TRABD2B: variants seen among roughly 807,000 people sequenced by gnomAD.
TRABD2B encodes TraB domain containing 2B, also known as metalloprotease TIKI2.
In TRABD2B, 14 loss-of-function variants were observed where a neutral mutation model predicts 40.1. The ratio of observed to expected loss-of-function variants is 0.35; its 90% confidence interval spans 0.23 to 0.55. The LOEUF (loss-of-function observed/expected upper bound fraction) is 0.55. Ranked by LOEUF, TRABD2B falls within the 20% of genes least tolerant of loss-of-function variation. TRABD2B has a pLI of 0.90. For synonymous variants in TRABD2B, 263 were observed against 277.0 expected (o/e 0.95, Z 0.50); for missense variants, 541 against 648.6 (o/e 0.83, Z 1.80).
chr1:47,817,095 G>A (rs1645043053), intron 2 of TRABD2B, among the ~76,000 whole-genome samples: 2 of 152,160 alleles, frequency 1.3e-5, no homozygotes, highest in Admixed American at 6.5e-5. Context: ...ATGGAGGAAG[G>A]AAGTGGGAAG....
chr1:47,763,414 T>C lies in TRABD2B; in HGVS notation c.*2488A>G, dbSNP rs1644265209. On this transcript the variant is annotated 3_prime_UTR_variant, in exon 7 of 7. Coordinates refer to ENST00000606738, the MANE Select transcript of TRABD2B (RefSeq NM_001194986.2). The stretch of plus-strand genomic sequence containing the variant: ...TAAGGGAGAGTTTAGGATCCCCTAA[T>C]ATGCCCAGAGGAGGGATCTGGGAAA... 1 of 152,184 alleles carries C rather than the reference T, an allele frequency of 6.6e-6. No homozygotes were observed. The highest frequency in any genetic ancestry group is 6.5e-5 in the Admixed American group (1 of 15,286). The allele number at this position is 152,184 out of a possible 1,614,324, so 9.4% of individuals were successfully genotyped here. A position where few individuals can be genotyped will look rare whatever the true frequency, so the allele number is the denominator to read the frequency against.
At position 47,765,937 on chromosome 1, in the gene TRABD2B, C is replaced by G. The variant is rs987526006; in HGVS notation, c.1519G>C (p.Val507Leu). ...LLPAIATTIA[V>L]CFLLHSLGPS ...CCAAGGCTATGCAGCAGGAAGCAGA[C>G]AGCGATGGTGGTGGCGATGGCGGGG... is the stretch of plus-strand genomic sequence containing the variant. Residue 507 changes from valine (V) to leucine (L), a missense_variant, in exon 7 of 7, where the codon GTC becomes CTC. This residue lies in a region of TRABD2B where 172 missense variants were observed against 155.8 expected (regional missense o/e 1.10). Coordinates refer to ENST00000606738, the MANE Select transcript of TRABD2B (RefSeq NM_001194986.2). 2 of 702,864 alleles carry G rather than the reference C, an allele frequency of 2.8e-6. No individual in the cohort carries two copies. The highest frequency in any genetic ancestry group is 2.3e-4 in the Middle Eastern group (1 of 4,390). 43.5% of individuals were successfully genotyped at this position (702,864 alleles called of 1,614,324 possible).
chr1:47,980,130 C>A (rs1645820204), intron 2 of TRABD2B, among the ~76,000 whole-genome samples: 1 of 152,138 alleles, frequency 6.6e-6, no homozygotes, highest in Non-Finnish European at 1.5e-5. Context: ...ATTGCCTAGT[C>A]TCCCCATGCT....
chr1:47,963,919 G>A (rs893872197), intron 2 of TRABD2B, among the ~76,000 whole-genome samples: 3 of 152,224 alleles, frequency 2.0e-5, no homozygotes, highest in African/African-American at 7.2e-5. Context: ...ATGTGAGCAA[G>A]TGAACTTGGG....
At chr1:47,790,574 C>T (rs941540284) in intron 4 of TRABD2B, among the ~76,000 whole-genome samples, 3 of 152,214 alleles carry the variant, frequency 2.0e-5, no homozygotes, top group Admixed American at 1.3e-4. Flanking sequence ...AACAGGCACT[C>T]GTTTCCACAA....
chr1:47,961,299 T>C (rs1168927492), intron 2 of TRABD2B, among the ~76,000 whole-genome samples: 1 of 152,200 alleles, frequency 6.6e-6, no homozygotes, highest in Non-Finnish European at 1.5e-5. Flanking sequence ...GACATAGGCA[T>C]GGGCAAGGAC....
In TRABD2B at chr1:47,994,183, G is replaced by A; in HGVS notation, c.517C>T (p.Leu173Phe). Residue 173 changes from leucine to phenylalanine, a missense_variant, in exon 2 of 7, where the codon CTC becomes TTC. Around this residue, in one of 2 missense-constraint regions of TRABD2B, gnomAD observed 369 missense variants for 492.8 expected, o/e 0.75. Transcript: ENST00000606738. This position sits in a 1 kb window ranked among gnomAD's most constrained non-coding sequence, Gnocchi z 6.7. Reference sequence around the variant, plus strand: ...CGGAAGCGCACGTCCCTCTCTGTGAGCGAGTTTACCATGAGCATCACCCAG... The same window carrying A: ...CGGAAGCGCACGTCCCTCTCTGTGAACGAGTTTACCATGAGCATCACCCAG... ...PVWVMLMVNS[L>F]TERDVRFRGV... 1 of 1,540,312 alleles carries A rather than the reference G, an allele frequency of 6.5e-7. No homozygotes were observed. The highest frequency in any genetic ancestry group is 8.7e-7 in the Non-Finnish European group (1 of 1,148,730).
At chr1:47,941,197 C>G (rs1645182130) in intron 2 of TRABD2B, among the ~76,000 whole-genome samples, 1 of 152,168 alleles carries the variant, frequency 6.6e-6, no homozygotes, top group Non-Finnish European at 1.5e-5. Context: ...GGTCCCAGAA[C>G]CTCAGTGGTA....
At chr1:47,783,030 C>T (rs878568) in intron 4 of TRABD2B, among the ~76,000 whole-genome samples, 33,233 of 151,674 alleles carry the variant, frequency 0.22, 4,336 homozygotes, top group Non-Finnish European at 0.3. Context: ...GAGGGAGGAC[C>T]ATGGGGTGGG....
chr1:47,827,938 C>T (rs1004231715), intron 2 of TRABD2B, among the ~76,000 whole-genome samples: 1 of 152,162 alleles, frequency 6.6e-6, no homozygotes, highest in African/African-American at 2.4e-5. Flanking sequence ...AAGGCTTAGT[C>T]AAGTGAGCTT....
intron 2 of TRABD2B, among the ~76,000 whole-genome samples, chr1:47,956,539 C>A (rs1196553721): frequency 6.6e-6 from 1 of 152,220 alleles, no homozygotes; most frequent in African/African-American, 2.4e-5. Flanking sequence ...TCTTAGCAAA[C>A]AGCACACCAG....
chr1:47,845,593 G>A (rs1316018835), intron 2 of TRABD2B, among the ~76,000 whole-genome samples: 1 of 152,122 alleles, frequency 6.6e-6, no homozygotes, highest in Admixed American at 6.6e-5. Flanking sequence ...TGCTATTAAT[G>A]ACAATGAGAA....
chr1:47,900,944 C>G (rs1381557366), intron 2 of TRABD2B, among the ~76,000 whole-genome samples: 1 of 152,078 alleles, frequency 6.6e-6, no homozygotes, highest in African/African-American at 2.4e-5. Flanking sequence ...AGTAAGGAGA[C>G]GGATTTGAAG....
At chr1:47,774,865 G>A (rs1257608455) in intron 6 of TRABD2B, among the ~76,000 whole-genome samples, 1 of 152,232 alleles carries the variant, frequency 6.6e-6, no homozygotes, top group Non-Finnish European at 1.5e-5. Context: ...GGGACAAATG[G>A]CGCCCTGTTT....
At chr1:47,913,217 G>A (rs1644786061) in intron 2 of TRABD2B, among the ~76,000 whole-genome samples, 2 of 152,066 alleles carry the variant, frequency 1.3e-5, no homozygotes, top group Non-Finnish European at 2.9e-5. Flanking sequence ...TAGCTCCCAG[G>A]TTCACTCTCA....
chr1:47,985,356 T>C (rs747794470), intron 2 of TRABD2B, among the ~76,000 whole-genome samples: 4 of 152,232 alleles, frequency 2.6e-5, no homozygotes, highest in Non-Finnish European at 4.4e-5. Flanking sequence ...AGGAGCTTAA[T>C]GTCTCCTCCT....
At chr1:47,984,510 G>T (rs1401502661) in intron 2 of TRABD2B, among the ~76,000 whole-genome samples, 1 of 152,214 alleles carries the variant, frequency 6.6e-6, no homozygotes, top group East Asian at 1.9e-4. Context: ...CCGGGGGAGC[G>T]CCAAGGTGAA....
At chr1:47,893,266 T>C (rs1235992392) in intron 2 of TRABD2B, among the ~76,000 whole-genome samples, 1 of 152,146 alleles carries the variant, frequency 6.6e-6, no homozygotes, top group African/African-American at 2.4e-5. Context: ...AAAAACTGAT[T>C]TGCTTCCTAA....
chr1:47,904,534 T>C (rs147893644), intron 2 of TRABD2B, among the ~76,000 whole-genome samples: 236 of 152,258 alleles, frequency 1.5e-3, no homozygotes, highest in Non-Finnish European at 2.4e-3. Context: ...TCATGACTGC[T>C]AAAGCAGGGA....
Sources: gnomAD v4.1 joint callset for allele counts (sites outside exome capture counted in the v4.1 genomes callset) on GRCh38, gnomAD v4.1.1 for gene constraint, gnomAD v4.1.1 regional missense constraint, Gnocchi (gnomAD v3.1) non-coding constraint, MANE v1.5 for transcripts, NCBI Gene and HGNC (gene_info 2026-07-23, HGNC 2026-07-21) for gene names.